KLF15: variants seen among roughly 807,000 people sequenced by gnomAD.
KLF15 encodes the protein KLF transcription factor 15.
Under a neutral mutation model 24.6 loss-of-function variants are expected in KLF15, and 4 were observed. The observed-to-expected ratio is 0.16, with a 90% CI of 0.08 to 0.37. KLF15 has a LOEUF of 0.37. Ranked by LOEUF, KLF15 falls within the 10% of genes least tolerant of loss-of-function variation. The pLI is 1.00. For missense variants in KLF15, 496 were observed against 560.6 expected (o/e 0.88, Z 1.16); for synonymous variants, 246 against 236.3 (o/e 1.04, Z -0.37).
At chr3:126,298,305 T>G in the KLF15 span, among the ~76,000 whole-genome samples, 1 of 151,538 alleles carries the variant, frequency 6.6e-6, no homozygotes, top group Non-Finnish European at 1.5e-5. Context: ...TTATTAGGTT[T>G]TTTTTTTTTT....
the KLF15 span, among the ~76,000 whole-genome samples, chr3:126,315,446 C>A: frequency 6.6e-6 from 1 of 152,166 alleles, no homozygotes; most frequent in Non-Finnish European, 1.5e-5. Context: ...CACTGTGCCC[C>A]AGATGGGGGA....
In KLF15 at chr3:126,352,620, G is replaced by A. The variant is rs1490725626; in HGVS notation, c.303C>T (p.Gly101=). ...TTCGCCAGGGCCCCCAGGCCACGGGGCCACTGCTGGCCCCAATGCTACTGC... is the reference window on the plus strand; with the variant it reads ...TTCGCCAGGGCCCCCAGGCCACGGGACCACTGCTGGCCCCAATGCTACTGC... The part of the protein sequence containing the change: ...GSGSSIGASS[G]PVAWGPWRRA... Residue 101 remains glycine (G), a synonymous_variant, in exon 2 of 3, where the codon GGC becomes GGT. Coordinates refer to ENST00000296233, the MANE Select transcript of KLF15 (RefSeq NM_014079.4). 7 of 1,603,150 alleles carry A rather than the reference G, an allele frequency of 4.4e-6. No homozygotes were observed. Among genetic ancestry groups the A allele is most frequent in the Non-Finnish European group, 6.0e-6 (7 of 1,175,822 alleles).
chr3:126,349,509 C>T (rs2082564777), intron 2 of KLF15, among the ~76,000 whole-genome samples: 1 of 152,206 alleles, frequency 6.6e-6, no homozygotes, highest in African/African-American at 2.4e-5. Context: ...CATGTACACC[C>T]CCTGCCATGA....
At chr3:126,327,303 A>G in the KLF15 span, among the ~76,000 whole-genome samples, 1 of 152,116 alleles carries the variant, frequency 6.6e-6, no homozygotes, top group African/African-American at 2.4e-5. Flanking sequence ...GGGACCTCAT[A>G]GAGGTTTTCA....
intron 1 of KLF15, among the ~76,000 whole-genome samples, chr3:126,354,534 C>T (rs1331758877): frequency 6.6e-6 from 1 of 152,168 alleles, no homozygotes; most frequent in African/African-American, 2.4e-5. Context: ...GGACCTTTAG[C>T]CCCAGTTCCC....
chr3:126,317,496 A>C, the KLF15 span, among the ~76,000 whole-genome samples: 2 of 152,166 alleles, frequency 1.3e-5, no homozygotes, highest in African/African-American at 4.8e-5. Context: ...TAAGAGGCAA[A>C]ATGGCAGAGT....
chr3:126,302,507 A>G, the KLF15 span, among the ~76,000 whole-genome samples: 83,455 of 151,896 alleles, frequency 0.55, 23,273 homozygotes, highest in African/African-American at 0.62. Flanking sequence ...TTATGATTGT[A>G]GATTTATCTA....
At chr3:126,321,122 G>A in the KLF15 span, among the ~76,000 whole-genome samples, 1 of 152,090 alleles carries the variant, frequency 6.6e-6, no homozygotes, top group Non-Finnish European at 1.5e-5. Context: ...TGGCTACACA[G>A]GCACAGGTGT....
the KLF15 span, among the ~76,000 whole-genome samples, chr3:126,311,436 T>A: frequency 1.3e-5 from 2 of 152,164 alleles, no homozygotes; most frequent in African/African-American, 2.4e-5. Flanking sequence ...CCTCTGCACA[T>A]AGGGTCATGG....
At chr3:126,294,422 C>G in the KLF15 span, among the ~76,000 whole-genome samples, 7 of 152,216 alleles carry the variant, frequency 4.6e-5, no homozygotes, top group African/African-American at 1.7e-4. Flanking sequence ...CTGCAGTCCT[C>G]TGGTGCTCAT....
At chr3:126,304,354 G>A in the KLF15 span, among the ~76,000 whole-genome samples, 1 of 152,168 alleles carries the variant, frequency 6.6e-6, no homozygotes, top group African/African-American at 2.4e-5. Flanking sequence ...TGTGAATTAA[G>A]AGGTTTCCTA....
the KLF15 span, among the ~76,000 whole-genome samples, chr3:126,326,666 G>A: frequency 3.3e-5 from 5 of 152,168 alleles, no homozygotes; most frequent in Non-Finnish European, 2.9e-5. Flanking sequence ...TAGGAGGCAG[G>A]AAGGGCTAGG....
intron 2 of KLF15, among the ~76,000 whole-genome samples, chr3:126,346,992 C>T (rs77198521): frequency 0.1 from 15,356 of 152,176 alleles, 1,070 homozygotes; most frequent in South Asian, 0.14. Context: ...CTGCTTAGCA[C>T]GTGGCAATTA....
chr3:126,310,030 G>A, the KLF15 span, among the ~76,000 whole-genome samples: 25 of 152,372 alleles, frequency 1.6e-4, no homozygotes, highest in African/African-American at 5.8e-4. Flanking sequence ...GGAAGGCCAA[G>A]GCCAAGGCAC....
the KLF15 span, among the ~76,000 whole-genome samples, chr3:126,319,604 T>G: frequency 6.6e-6 from 1 of 152,262 alleles, no homozygotes; most frequent in Non-Finnish European, 1.5e-5. Flanking sequence ...TTTTGAACAT[T>G]TTTGAATCAA....
At chr3:126,308,018 C>T in the KLF15 span, among the ~76,000 whole-genome samples, 3 of 152,202 alleles carry the variant, frequency 2.0e-5, no homozygotes, top group Non-Finnish European at 2.9e-5. Flanking sequence ...AGAGAGCCAG[C>T]GTCCCAGCTA....
the KLF15 span, among the ~76,000 whole-genome samples, chr3:126,323,437 C>A: frequency 2.1e-5 from 1 of 47,730 alleles, no homozygotes; most frequent in African/African-American, 8.4e-5. Context: ...ATATATATAA[C>A]ATATATATGT....
chr3:126,311,226 A>G, the KLF15 span, among the ~76,000 whole-genome samples: 1 of 152,184 alleles, frequency 6.6e-6, no homozygotes, highest in Admixed American at 6.5e-5. Flanking sequence ...ACAGGCAAAA[A>G]GAAACTCCCC....
the KLF15 span, among the ~76,000 whole-genome samples, chr3:126,327,566 G>A: frequency 6.6e-6 from 1 of 152,054 alleles, no homozygotes; most frequent in Non-Finnish European, 1.5e-5. Flanking sequence ...AGACACTTAG[G>A]ATTTTGACCC....
Sources: allele counts gnomAD v4.1 joint callset (sites outside exome capture counted in the v4.1 genomes callset), GRCh38; gene constraint gnomAD v4.1.1; transcripts MANE v1.5; gene names NCBI Gene and HGNC (gene_info 2026-07-23, HGNC 2026-07-21).